The following TMEM163 variants were observed in gnomAD, a reference collection of about 807,000 sequenced individuals.
TMEM163 encodes the protein transmembrane protein 163.
A neutral mutation model predicts 29.3 loss-of-function variants in TMEM163; 17 were observed. The observed-to-expected ratio is 0.58, with a 90% CI of 0.40 to 0.87. TMEM163 has a LOEUF of 0.87. TMEM163 is among the 40% of genes least tolerant of loss of function. The pLI, the probability that TMEM163 is intolerant of heterozygous loss-of-function variation, is 0.00. For synonymous variants in TMEM163, 157 were observed against 160.6 expected (o/e 0.98, Z 0.17); for missense variants, 303 against 381.5 (o/e 0.79, Z 1.71).
chr2:134,697,356 A>G (rs191649674), intron 2 of TMEM163, among the ~76,000 whole-genome samples: 4 of 152,186 alleles, frequency 2.6e-5, no homozygotes, highest in African/African-American at 9.6e-5. Context: ...ATTTTAGGTT[A>G]AATAACCTTT....
At chr2:134,483,788 CT>C (rs1202239022) in intron 5 of TMEM163, among the ~76,000 whole-genome samples, 4 of 152,112 alleles carry the variant, frequency 2.6e-5, no homozygotes, top group African/African-American at 9.7e-5. Context: ...TCTGATGGCC[CT>C]GCATTTGAAC....
intron 2 of TMEM163, among the ~76,000 whole-genome samples, chr2:134,685,940 C>T (rs940229422): frequency 6.6e-6 from 1 of 152,200 alleles, no homozygotes; most frequent in Non-Finnish European, 1.5e-5. Flanking sequence ...TCATGTCACA[C>T]ACACCAACAA....
chr2:134,551,674 T>A (rs1680928378), intron 3 of TMEM163, among the ~76,000 whole-genome samples: 1 of 152,154 alleles, frequency 6.6e-6, no homozygotes, highest in African/African-American at 2.4e-5. Context: ...GACTGACTCA[T>A]CCTAGCGCAA....
chr2:134,617,387 G>T (rs1300375247), intron 2 of TMEM163, among the ~76,000 whole-genome samples: 2 of 152,154 alleles, frequency 1.3e-5, no homozygotes, highest in African/African-American at 4.8e-5. Flanking sequence ...GAGGCGGGCA[G>T]ATTACCTGAG....
chr2:134,655,967 C>A (rs1683597725), intron 2 of TMEM163, among the ~76,000 whole-genome samples: 1 of 145,126 alleles, frequency 6.9e-6, no homozygotes, highest in Non-Finnish European at 1.5e-5. Flanking sequence ...CAGACAGGGA[C>A]ACTTAAGTCT....
intron 2 of TMEM163, among the ~76,000 whole-genome samples, chr2:134,655,874 A>G (rs1338031444): frequency 7.0e-6 from 1 of 141,854 alleles, no homozygotes; most frequent in Non-Finnish European, 1.5e-5. Context: ...GTCAGGGGTC[A>G]GGGACCCACT....
intron 4 of TMEM163, among the ~76,000 whole-genome samples, chr2:134,505,239 C>CCTTTTTTTTTTTTTTT (rs373282805): frequency 7.7e-6 from 1 of 130,234 alleles, no homozygotes. Context: ...TGGGGAATTC[C>CCTTTTTTTTTTTTTTT]TTTTTTTTTT....
At chr2:134,462,450 C>G (rs1205002821) in intron 6 of TMEM163, among the ~76,000 whole-genome samples, 1 of 152,180 alleles carries the variant, frequency 6.6e-6, no homozygotes, top group Admixed American at 6.5e-5. Context: ...CTCTGTCCCC[C>G]CACTTCCAAG....
chr2:134,635,172 A>G (rs1370797453), intron 2 of TMEM163, among the ~76,000 whole-genome samples: 1 of 152,244 alleles, frequency 6.6e-6, no homozygotes, highest in Non-Finnish European at 1.5e-5. Flanking sequence ...ATCCATCTAC[A>G]TCGAAAATTG....
intron 5 of TMEM163, among the ~76,000 whole-genome samples, chr2:134,494,214 A>G (rs1236426243): frequency 1.3e-5 from 2 of 152,204 alleles, no homozygotes; most frequent in African/African-American, 4.8e-5. Flanking sequence ...GAAGAGGTCA[A>G]TCTTGCTGAG....
chr2:134,548,338 AGTGT>A (rs1002239662), intron 4 of TMEM163, among the ~76,000 whole-genome samples: 7 of 152,212 alleles, frequency 4.6e-5, no homozygotes, highest in Admixed American at 3.3e-4. Flanking sequence ...TTTAGGATTT[AGTGT>A]GTATTTTATA....
chr2:134,672,425 C>T (rs1240410394), intron 2 of TMEM163, among the ~76,000 whole-genome samples: 1 of 152,164 alleles, frequency 6.6e-6, no homozygotes, highest in Non-Finnish European at 1.5e-5. Flanking sequence ...TATGTGAGCT[C>T]ATACACAGGG....
chr2:134,461,142 T>G (rs889960287), intron 6 of TMEM163, among the ~76,000 whole-genome samples: 3 of 152,190 alleles, frequency 2.0e-5, no homozygotes, highest in Non-Finnish European at 4.4e-5. Context: ...GTCCCCACAG[T>G]TGCAACCACA....
intron 5 of TMEM163, among the ~76,000 whole-genome samples, chr2:134,494,656 CAT>C (rs1679506057): frequency 6.6e-6 from 1 of 152,226 alleles, no homozygotes; most frequent in Non-Finnish European, 1.5e-5. Context: ...ACATTACTTT[CAT>C]AGTTATATGC....
At chr2:134,566,345 CA>C (rs1219168726) in intron 2 of TMEM163, among the ~76,000 whole-genome samples, 21 of 152,100 alleles carry the variant, frequency 1.4e-4, no homozygotes, top group African/African-American at 4.8e-4. Context: ...GGGTGGATCA[CA>C]AGGTCAGGAG....
In TMEM163 at chr2:134,460,106, G is replaced by A. The variant is rs1044081816; in HGVS notation, c.668-1933C>T. Reference sequence around the variant, plus strand: ...CCCCAAATTCATTCTCACTCTCCCCGCTGATCCCTGCTCTGTCCTGGCCAC... The same window carrying A: ...CCCCAAATTCATTCTCACTCTCCCCACTGATCCCTGCTCTGTCCTGGCCAC... On this transcript the variant is annotated intron_variant, in intron 6 of 7. Transcript: ENST00000281924. This position sits in a 1 kb window ranked among gnomAD's most constrained non-coding sequence, Gnocchi z 4.3. Among the ~76,000 whole-genome samples the A allele has an allele frequency of 5.6e-5, 4 of 71,844 alleles. No homozygotes were observed. Among genetic ancestry groups the A allele is most frequent in the Non-Finnish European group, 9.9e-5 (4 of 40,360 alleles). 47.1% of individuals were successfully genotyped at this position (71,844 alleles called of 152,430 possible).
At chr2:134,478,983 C>T (rs1455394386) in intron 5 of TMEM163, among the ~76,000 whole-genome samples, 1 of 152,128 alleles carries the variant, frequency 6.6e-6, no homozygotes, top group South Asian at 2.1e-4. Flanking sequence ...GGGATTAGTG[C>T]CCTTCCTCAT....
intron 2 of TMEM163, among the ~76,000 whole-genome samples, chr2:134,585,781 G>A (rs1681810423): frequency 6.6e-6 from 1 of 151,590 alleles, no homozygotes; most frequent in African/African-American, 2.4e-5. Flanking sequence ...CTGGCACAGA[G>A]TCCATGCTCA....
intron 2 of TMEM163, among the ~76,000 whole-genome samples, chr2:134,661,649 T>C (rs60929006): frequency 0.11 from 16,297 of 152,208 alleles, 1,058 homozygotes; most frequent in African/African-American, 0.17. Flanking sequence ...AGAGCAGCCA[T>C]TCACAATACA....
Sources: allele counts gnomAD v4.1 joint callset (sites outside exome capture counted in the v4.1 genomes callset), GRCh38; gene constraint gnomAD v4.1.1; non-coding constraint Gnocchi (gnomAD v3.1); transcripts MANE v1.5; gene names NCBI Gene and HGNC (gene_info 2026-07-23, HGNC 2026-07-21).